SLIT2: variants seen among roughly 807,000 people sequenced by gnomAD.
SLIT2 encodes the protein slit homolog 2 protein.
A neutral mutation model predicts 185.7 loss-of-function variants in SLIT2; 41 were observed. The ratio of observed to expected loss-of-function variants is 0.22; its 90% CI spans 0.17 to 0.29. The LOEUF is 0.29. Ranked by LOEUF, SLIT2 falls within the 10% of genes least tolerant of loss-of-function variation. The probability of loss-of-function intolerance (pLI) is 1.00; values close to 1 mark genes in which losing one functional copy is unlikely to be tolerated. For missense variants in SLIT2, 1,571 were observed against 1,909.0 expected (o/e 0.82, Z 3.30); for synonymous variants, 693 against 680.2 (o/e 1.02, Z -0.29).
chr4:20,304,313 G>A (rs1193059573), intron 4 of SLIT2, among the ~76,000 whole-genome samples: 1 of 152,118 alleles, frequency 6.6e-6, no homozygotes, highest in Admixed American at 6.6e-5. Flanking sequence ...TAAGGTAAGA[G>A]AGAACTAAAA....
chr4:20,467,916 G>A, intron 5 of SLIT2, 93 bp downstream of exon 5: 2 of 631,104 alleles, frequency 3.2e-6, no homozygotes, highest in Middle Eastern at 4.5e-4. Flanking sequence ...AAGAAATGGT[G>A]AAAACCCTGT....
In SLIT2 at chr4:20,532,051, C is replaced by A. The variant is rs756812021; in HGVS notation, c.1681C>A (p.Arg561Ser). ...AATCTTTAAGAAACTTCCTCAATTA[C>A]GTAAAATGTAAGTCACTTGTTAGCT... ...TGIFKKLPQLRKINFSNNKIT... is the reference protein window; with the variant it reads ...TGIFKKLPQLSKINFSNNKIT... The change falls in exon 17 of 37, where the codon CGT becomes AGT. Residue 561 changes from arginine (R) to serine (S), a missense_variant. Physicochemically the swap from Arg to Ser is moderately radical, Grantham distance 110 (BLOSUM62 -1). Coordinates refer to ENST00000504154, the MANE Select transcript of SLIT2 (RefSeq NM_004787.4). 4 of 1,554,862 alleles carry A rather than the reference C, an allele frequency of 2.6e-6. No homozygotes were observed. Among genetic ancestry groups the A allele is most frequent in the South Asian group, 1.2e-5 (1 of 81,456 alleles).
rs527755661 is a variant in SLIT2, at chr4:20,299,789, G to A, written c.395+30908G>A. Among the ~76,000 whole-genome samples, 5 of 151,740 alleles carry A rather than the reference G, an allele frequency of 3.3e-5. No individual in the cohort carries two copies. The South Asian group carries it at 8.3e-4, about 25-fold the overall frequency. ...ATTATTGCAGTTGTCCATTTGTCAC[G>A]GCCAAAATACTTTCTTTAGCCTTGG... On this transcript the variant is annotated intron_variant, in intron 4 of 36. Coordinates refer to ENST00000504154, the MANE Select transcript of SLIT2 (RefSeq NM_004787.4).
rs556271895 is a variant in SLIT2 at position 20,525,136 on chromosome 4, T to C, written c.1439-13T>C. 1 of 1,601,468 alleles carries C rather than the reference T, an allele frequency of 6.2e-7. No homozygotes were observed. The highest frequency in any genetic ancestry group is 1.7e-5 in the Admixed American group (1 of 59,992). On this transcript the variant is annotated splice_polypyrimidine_tract_variant and intron_variant, in intron 14 of 36. Coordinates refer to ENST00000504154, the MANE Select transcript of SLIT2 (RefSeq NM_004787.4). ...AGGTGCATCTTCTATTTTTTGTCTCTTTTTTTATTTAGCTAAAGAACAGTA... is the reference window on the plus strand; with the variant it reads ...AGGTGCATCTTCTATTTTTTGTCTCCTTTTTTATTTAGCTAAAGAACAGTA...
intron 11 of SLIT2, among the ~76,000 whole-genome samples, chr4:20,514,110 TA>T (rs1199202368): frequency 5.3e-5 from 8 of 152,138 alleles, no homozygotes. Context: ...GGGAGCAGAG[TA>T]CTTGGGAGTA....
intron 4 of SLIT2, among the ~76,000 whole-genome samples, chr4:20,324,057 C>T (rs1216711416): frequency 3.9e-5 from 6 of 151,972 alleles, no homozygotes; most frequent in Non-Finnish European, 7.4e-5. Context: ...TGAACACTTG[C>T]GGGGTAAAAT....
At chr4:20,445,320 C>A (rs191450481) in intron 4 of SLIT2, among the ~76,000 whole-genome samples, 1 of 152,224 alleles carries the variant, frequency 6.6e-6, no homozygotes, top group Admixed American at 6.5e-5. Flanking sequence ...TTCAAGAATT[C>A]ATTATTTTAT....
At position 20,472,558 on chromosome 4, in the gene SLIT2, ATATATC is replaced by A. The variant is rs1393447564; in HGVS notation, c.467+4741_467+4746del. Among the ~76,000 whole-genome samples, 4 of 28,508 alleles carry A rather than the reference ATATATC, an allele frequency of 1.4e-4. 1 individual carries two copies. Among genetic ancestry groups the A allele is most frequent in the Non-Finnish European group, 2.1e-4 (4 of 18,696 alleles). The allele number at this position is 28,508 out of a possible 152,430, so 18.7% of individuals were successfully genotyped here. A position where few individuals can be genotyped will look rare whatever the true frequency, so the allele number is the denominator to read the frequency against. Reference sequence around the variant, plus strand: ...GATATATCTATATCTATATATAGATATATATCTATATATAGATATATCTATATATAG... The same window carrying A: ...GATATATCTATATCTATATATAGATATATATATAGATATATCTATATATAG... On this transcript the variant is annotated intron_variant, in intron 5 of 36. Coordinates refer to ENST00000504154, the MANE Select transcript of SLIT2 (RefSeq NM_004787.4).
At chr4:20,613,111 A>G (rs1299579110) in intron 34 of SLIT2, among the ~76,000 whole-genome samples, 1 of 152,140 alleles carries the variant, frequency 6.6e-6, no homozygotes, top group African/African-American at 2.4e-5. Context: ...CTAAAGACCT[A>G]AAAATAGAGC....
At chr4:20,327,184 A>G (rs1168216280) in intron 4 of SLIT2, among the ~76,000 whole-genome samples, 2 of 151,910 alleles carry the variant, frequency 1.3e-5, no homozygotes, top group African/African-American at 4.8e-5. Context: ...TGACTTTTCT[A>G]ATGAAGCCAG....
intron 30 of SLIT2, among the ~76,000 whole-genome samples, chr4:20,593,566 C>T (rs561696464): frequency 1.3e-5 from 2 of 152,128 alleles, no homozygotes; most frequent in East Asian, 3.9e-4. Context: ...ACAGCATGGT[C>T]ACTATAGTTC....
intron 4 of SLIT2, among the ~76,000 whole-genome samples, chr4:20,458,185 T>C (rs1259863352): frequency 1.3e-5 from 2 of 151,822 alleles, no homozygotes; most frequent in East Asian, 3.9e-4. Context: ...ACCAGTGAAC[T>C]GTACACTTCA....
rs915396573 is a variant in SLIT2, at chr4:20,596,524, A to G, written c.3430A>G (p.Ile1144Val). Residue 1144 changes from isoleucine to valine, a missense_variant, in exon 32 of 37, where the codon ATA becomes GTA. This residue lies in a region of SLIT2 where 1,202 missense variants were observed against 1,416.4 expected (regional missense o/e 0.85). Coordinates refer to ENST00000504154, the MANE Select transcript of SLIT2 (RefSeq NM_004787.4). ...GTGTATCGTCAGAATAAATGAGCCA[A>G]TATGTCAGTGTTTGCCTGGCTATCA... Reference protein sequence around the residue: ...AQCIVRINEPICQCLPGYQGE... With the variant: ...AQCIVRINEPVCQCLPGYQGE... 3 of 1,614,136 alleles carry G rather than the reference A, an allele frequency of 1.9e-6. No individual in the cohort carries two copies. Among genetic ancestry groups the G allele is most frequent in the South Asian group, 2.2e-5 (2 of 91,086 alleles).
rs574569571 is a variant in SLIT2 at position 20,344,324 on chromosome 4, G to C, written c.395+75443G>C. On this transcript the variant is annotated intron_variant, in intron 4 of 36. Transcript: ENST00000504154. ...AATGAGTTTCTCTGGGATTGGGGAA[G>C]TGAGAATTCATTTTGATTAGAGCAA... Among the ~76,000 whole-genome samples the C allele has an allele frequency of 4.9e-4, 75 of 152,314 alleles. No homozygotes were observed. The South Asian group carries it at 0.014, about 29-fold the overall frequency.
intron 30 of SLIT2, among the ~76,000 whole-genome samples, chr4:20,594,142 TAC>T (rs1377240315): frequency 6.8e-6 from 1 of 147,434 alleles, no homozygotes; most frequent in African/African-American, 2.6e-5. Flanking sequence ...TATACATATA[TAC>T]ACACATACAT....
intron 4 of SLIT2, among the ~76,000 whole-genome samples, chr4:20,401,524 G>T (rs73250372): frequency 1.3e-5 from 2 of 151,862 alleles, no homozygotes; most frequent in Non-Finnish European, 2.9e-5. Flanking sequence ...TGCTGATTCT[G>T]ACCCCTTCAT....
intron 9 of SLIT2, among the ~76,000 whole-genome samples, chr4:20,499,634 G>A (rs186372413): frequency 8.6e-5 from 13 of 151,980 alleles, no homozygotes; most frequent in African/African-American, 2.2e-4. Context: ...GACTACAGGC[G>A]CCCCCCAGCA....
chr4:20,346,078 G>A (rs1577473381), intron 4 of SLIT2, among the ~76,000 whole-genome samples: 1 of 151,846 alleles, frequency 6.6e-6, no homozygotes, highest in Admixed American at 6.6e-5. Flanking sequence ...CTGCAGCCTC[G>A]AACTTGCTGA....
At chr4:20,472,370 C>CTATATA (rs1447396602) in intron 5 of SLIT2, among the ~76,000 whole-genome samples, 1 of 22,468 alleles carries the variant, frequency 4.5e-5, no homozygotes, top group East Asian at 2.3e-3. Context: ...ATATAGATAT[C>CTATATA]TATATCTATA....
Sources: allele counts gnomAD v4.1 joint callset (sites outside exome capture counted in the v4.1 genomes callset), GRCh38; gene constraint gnomAD v4.1.1; regional missense constraint gnomAD v4.1.1; transcripts MANE v1.5; gene names NCBI Gene and HGNC (gene_info 2026-07-23, HGNC 2026-07-21).